The following MAP1A variants were observed in gnomAD, a reference collection of about 807,000 sequenced individuals.
The protein encoded by MAP1A is microtubule associated protein 1A, also known as microtubule-associated protein 1A.
In MAP1A, 42 loss-of-function variants were observed where a neutral mutation model predicts 185.9. That is an observed-to-expected ratio of 0.23 (90% CI 0.18 to 0.29). The LOEUF is 0.29. Ranked by LOEUF, MAP1A falls within the 10% of genes least tolerant of loss-of-function variation. The pLI is 1.00. For missense variants in MAP1A, 2,995 were observed against 3,450.4 expected, an observed-to-expected ratio of 0.87 and a Z score of 3.31; for synonymous variants, 1,229 against 1,335.9, an observed-to-expected ratio of 0.92 and a Z score of 1.74.
At chr15:43,530,041 C>T in intron 5 of MAP1A, 28 bp from the exon 6 acceptor site, 1 of 1,612,050 alleles carries the variant, frequency 6.2e-7, no homozygotes, top group Non-Finnish European at 8.5e-7. Context: ...TATGTTCTCA[C>T]ATCAGACATA....
rs1379045366 is a variant in MAP1A at position 43,528,781 on chromosome 15, A to C, written c.7308A>C (p.Gly2436=). ...ASPEVEAGPQ[G]CATEPRPHRG... is the part of the protein sequence containing the mutation. ...CTGAGGTCGAAGCTGGGCCCCAGGG[A>C]TGTGCCACTGAGCCTCGGCCCCATC... is the stretch of plus-strand genomic sequence containing the variant. Residue 2436 remains glycine (G), a synonymous_variant, in exon 4 of 6, where the codon GGA becomes GGC. Coordinates refer to ENST00000300231, the MANE Select transcript of MAP1A (RefSeq NM_002373.6). 1 of 1,613,382 alleles carries C rather than the reference A, an allele frequency of 6.2e-7. No individual in the cohort carries two copies. Among genetic ancestry groups the C allele is most frequent in the Non-Finnish European group, 8.5e-7 (1 of 1,179,962 alleles).
chr15:43,526,255 G>C lies in MAP1A; in HGVS notation c.4782G>C (p.Lys1594Asn). Residue 1594 changes from lysine to asparagine, a missense_variant, in exon 4 of 6, where the codon AAG becomes AAC. Transcript: ENST00000300231. The surrounding 1 kb of genome is among the most constrained non-coding windows in gnomAD (Gnocchi z 4.7). ...LVQEDKTRKPKMLEEKSPEKV... is the reference protein window; with the variant it reads ...LVQEDKTRKPNMLEEKSPEKV... ...AGGAGGATAAAACCAGGAAACCAAA[G>C]ATGCTAGAGGAAAAATCCCCAGAAA... The C allele has an allele frequency of 6.2e-7, 1 of 1,614,054 alleles. No homozygotes were observed.
chr15:43,518,708 A>ACCG (rs2079307909), intron 1 of MAP1A, among the ~76,000 whole-genome samples: 1 of 83,632 alleles, frequency 1.2e-5, no homozygotes, highest in South Asian at 4.1e-4. Context: ...ACCGCAGCCC[A>ACCG]CCCCCCCCCG....
Position 43,527,755 on chromosome 15 carries a change from G to T in MAP1A, c.6282G>T (p.Lys2094Asn). The T allele has an allele frequency of 6.2e-7, 1 of 1,613,516 alleles. No individual in the cohort carries two copies. Among genetic ancestry groups the T allele is most frequent in the Non-Finnish European group, 8.5e-7 (1 of 1,179,856 alleles). Residue 2094 changes from lysine (K) to asparagine (N), a missense_variant, in exon 4 of 6, where the codon AAG (lysine) becomes AAT (asparagine). Physicochemically the swap from Lys to Asn is moderately conservative, Grantham distance 94 (BLOSUM62 0). Coordinates refer to ENST00000300231, the MANE Select transcript of MAP1A (RefSeq NM_002373.6). ...CSPDRRSPSPKESGRSHWDDS... is the reference protein window; with the variant it reads ...CSPDRRSPSPNESGRSHWDDS... ...CAGATAGGAGGTCCCCATCCCCCAA[G>T]GAATCAGGCCGGAGTCACTGGGATG...
rs563869361 is a variant in MAP1A at position 43,525,402 on chromosome 15, C to T, written c.3929C>T (p.Thr1310Ile). 31 of 1,614,054 alleles carry T rather than the reference C, an allele frequency of 1.9e-5. No individual in the cohort carries two copies. Among genetic ancestry groups the T allele is most frequent in the Admixed American group, 6.7e-5 (4 of 60,012 alleles). Residue 1310 changes from threonine (T) to isoleucine (I), a missense_variant, in exon 4 of 6, where the codon ACA (threonine) becomes ATA (isoleucine). By Grantham distance (89) the Thr-to-Ile change is moderately conservative. This residue lies in a region of MAP1A where 2,728 missense variants were observed against 2,986.0 expected (regional missense o/e 0.91). Coordinates refer to ENST00000300231, the MANE Select transcript of MAP1A (RefSeq NM_002373.6). ...GGGAAGTACTTACCTGGGGCGATCA[C>T]AAGCCCTGATGAACACATTCTGACA... is the stretch of plus-strand genomic sequence containing the variant. ...GNGKYLPGAI[T>I]SPDEHILTPD...
In MAP1A at chr15:43,522,751, G is replaced by A; in HGVS notation, c.1278G>A (p.Glu426=). The A allele has an allele frequency of 3.2e-6, 5 of 1,572,454 alleles. No individual in the cohort carries two copies. The highest frequency in any genetic ancestry group is 4.3e-6 in the Non-Finnish European group (5 of 1,157,140). The change falls in exon 4 of 6, where the codon GAG becomes GAA. Residue 426 remains glutamate (E), a synonymous_variant. Coordinates refer to ENST00000300231, the MANE Select transcript of MAP1A (RefSeq NM_002373.6). This position sits in a 1 kb window ranked among gnomAD's most constrained non-coding sequence, Gnocchi z 5.9. ...AGGAGAAAAAAGAGATCAAAAAGGA[G>A]AGGAAAGAGCTCAAGAAGGATGAAG... ...KDKEKKEIKK[E]RKELKKDEGR...
At chr15:43,512,261 C>T (rs1236926166) in exon 2 of MAP1A, 2 of 1,547,742 alleles carry the variant, frequency 1.3e-6, no homozygotes, top group South Asian at 1.2e-5. Context: ...CATTACCCGG[C>T]ACCTAGCTCA....
chr15:43,516,905 A>G (rs878951993), upstream of MAP1A, among the ~76,000 whole-genome samples: 6 of 152,142 alleles, frequency 3.9e-5, no homozygotes, highest in South Asian at 2.1e-4. Context: ...TTCATATCCA[A>G]TGACTCAAGA....
In MAP1A at chr15:43,523,057, A is replaced by G. The variant is rs769101333; in HGVS notation, c.1584A>G (p.Pro528=). 2 of 1,614,174 alleles carry G rather than the reference A, an allele frequency of 1.2e-6. No homozygotes were observed. Among genetic ancestry groups the G allele is most frequent in the African/African-American group, 1.3e-5 (1 of 75,050 alleles). ...ACAGGGAGCTGGTCCTATCCTCACC[A>G]GAGGACCTCACACAGGACTTTGAGG... ...SGHRELVLSS[P]EDLTQDFEEM... The change falls in exon 4 of 6, where the codon CCA becomes CCG. Residue 528 remains proline, a synonymous_variant. Coordinates refer to ENST00000300231, the MANE Select transcript of MAP1A (RefSeq NM_002373.6).
In MAP1A at chr15:43,526,465, G is replaced by C; in HGVS notation, c.4992G>C (p.Gln1664His). The C allele has an allele frequency of 6.2e-7, 1 of 1,614,150 alleles. No homozygotes were observed. Among genetic ancestry groups the C allele is most frequent in the Non-Finnish European group, 8.5e-7 (1 of 1,180,002 alleles). ...CCAGAGAGGAGCCGGCTGGAGAACA[G>C]AAAGAGCTTGCCCCGGCATGGGAGG... ...SPTREEPAGEQKELAPAWEDT... is the reference protein window; with the variant it reads ...SPTREEPAGEHKELAPAWEDT... Residue 1664 changes from glutamine (Q) to histidine (H), a missense_variant, in exon 4 of 6, where the codon CAG (glutamine) becomes CAC (histidine). This residue lies in a region of MAP1A where 2,728 missense variants were observed against 2,986.0 expected (regional missense o/e 0.91). Transcript: ENST00000300231. This position sits in a 1 kb window ranked among gnomAD's most constrained non-coding sequence, Gnocchi z 4.7.
Position 43,520,954 on chromosome 15 carries a change from C to A in MAP1A, c.-291-18C>A. 2 of 1,547,974 alleles carry A rather than the reference C, an allele frequency of 1.3e-6. No individual in the cohort carries two copies. Among genetic ancestry groups the A allele is most frequent in the Non-Finnish European group, 1.7e-6 (2 of 1,145,378 alleles). On this transcript the variant is annotated intron_variant, in intron 2 of 5. Transcript: ENST00000300231. Reference sequence around the variant, plus strand: ...TGGATTTCCTATATCTGTGACCACTCCCCTTCTTCCATTCCAGGTTCATCA... The same window carrying A: ...TGGATTTCCTATATCTGTGACCACTACCCTTCTTCCATTCCAGGTTCATCA...
Position 43,527,999 on chromosome 15 carries a change from G to A in MAP1A, c.6526G>A (p.Ala2176Thr). Residue 2176 changes from alanine to threonine, a missense_variant, in exon 4 of 6, where the codon GCT becomes ACT. Physicochemically the swap from Ala to Thr is moderately conservative, Grantham distance 58 (BLOSUM62 0). This residue lies in a region of MAP1A where 2,728 missense variants were observed against 2,986.0 expected (regional missense o/e 0.91). Transcript: ENST00000300231. ...SAFGFSSLQP[A>T]PPQLPSPAEP... ...CTTTGGCTTCTCCTCATTGCAGCCA[G>A]CTCCCCCACAGCTGCCCTCTCCAGC... 1 of 1,613,938 alleles carries A rather than the reference G, an allele frequency of 6.2e-7. No individual in the cohort carries two copies. The highest frequency in any genetic ancestry group is 8.5e-7 in the Non-Finnish European group (1 of 1,180,016).
At position 43,518,813 on chromosome 15, in the gene MAP1A, G is replaced by A. The variant is rs114210179; in HGVS notation, c.-375+1113G>A. 4.6e-3 allele frequency among the ~76,000 whole-genome samples: 701 copies of A among 151,506 alleles called. 9 individuals carry two copies. Among genetic ancestry groups the A allele is most frequent in the African/African-American group, 0.016 (673 of 41,116 alleles). ...AAAACGAGTCAGTTCCCTTCAGTGA[G>A]AGAGCCAGGGGAGCAGAAGAAACGG... is the stretch of plus-strand genomic sequence containing the variant. On this transcript the variant is annotated intron_variant, in intron 1 of 5. Transcript: ENST00000300231.
intron 1 of MAP1A, among the ~76,000 whole-genome samples, chr15:43,519,703 G>A (rs1389022873): frequency 6.6e-6 from 1 of 152,186 alleles, no homozygotes; most frequent in South Asian, 2.1e-4. Flanking sequence ...GCTGGAGAAG[G>A]GAAATAGGGG....
rs1054192061 is a variant in MAP1A, at chr15:43,526,468, A to G, written c.4995A>G (p.Lys1665=). The G allele has an allele frequency of 6.2e-7, 1 of 1,614,154 alleles. No homozygotes were observed. The highest frequency in any genetic ancestry group is 8.5e-7 in the Non-Finnish European group (1 of 1,180,028). ...PTREEPAGEQ[K]ELAPAWEDTS... The stretch of plus-strand genomic sequence containing the variant: ...GAGAGGAGCCGGCTGGAGAACAGAA[A>G]GAGCTTGCCCCGGCATGGGAGGACA... Residue 1665 remains lysine (K), a synonymous_variant, in exon 4 of 6, where the codon AAA becomes AAG. Transcript: ENST00000300231. The surrounding 1 kb of genome is among the most constrained non-coding windows in gnomAD (Gnocchi z 4.7).
rs1307669582 is a variant in MAP1A at position 43,525,781 on chromosome 15, A to G, written c.4308A>G (p.Leu1436=). ...DKALEPKDKD[L]EEKDKALEQK... ...CCCTGGAACCAAAAGACAAAGACTT[A>G]GAAGAAAAAGACAAGGCCCTGGAAC... is the stretch of plus-strand genomic sequence containing the variant. The change falls in exon 4 of 6, where the codon TTA becomes TTG. Residue 1436 remains leucine, a synonymous_variant. Coordinates refer to ENST00000300231, the MANE Select transcript of MAP1A (RefSeq NM_002373.6). The G allele has an allele frequency of 4.3e-6, 7 of 1,614,010 alleles. No homozygotes were observed. The South Asian group carries it at 5.5e-5, about 13-fold the overall frequency.
upstream of MAP1A, among the ~76,000 whole-genome samples, chr15:43,512,979 C>G (rs1395945638): frequency 6.6e-6 from 1 of 152,170 alleles, no homozygotes; most frequent in African/African-American, 2.4e-5. Flanking sequence ...ATGTTAGGCA[C>G]TACCATTCCA....
In MAP1A at chr15:43,524,835, G is replaced by T. The variant is rs1026937384; in HGVS notation, c.3362G>T (p.Gly1121Val). Reference protein sequence around the residue: ...PILGAEALPGGLRTLPQEPGK... With the variant: ...PILGAEALPGVLRTLPQEPGK... ...CTGGGAGCAGAAGCCCTTCCCGGAG[G>T]TTTGAGGACTTTACCCCAAGAACCT... The change falls in exon 4 of 6, where the codon GGT (glycine) becomes GTT (valine). Residue 1121 changes from glycine to valine, a missense_variant. Gly to Val is a moderately radical substitution (Grantham distance 109). This residue lies in a region of MAP1A where 2,728 missense variants were observed against 2,986.0 expected (regional missense o/e 0.91). Coordinates refer to ENST00000300231, the MANE Select transcript of MAP1A (RefSeq NM_002373.6). 1 of 1,614,164 alleles carries T rather than the reference G, an allele frequency of 6.2e-7. No individual in the cohort carries two copies.
Position 43,529,297 on chromosome 15 carries a change from G to A in MAP1A, c.7824G>A (p.Arg2608=). 1 of 1,613,984 alleles carries A rather than the reference G, an allele frequency of 6.2e-7. No individual in the cohort carries two copies. Among genetic ancestry groups the A allele is most frequent in the Non-Finnish European group, 8.5e-7 (1 of 1,180,018 alleles). ...AGGTTCAGGGGCGAGTAGGGCGCAG[G>A]GCCCCAGGCAAGGCCAAGCCAGCGT... ...KEKVQGRVGR[R]APGKAKPASP... The change falls in exon 4 of 6, where the codon AGG becomes AGA. Residue 2608 remains arginine, a synonymous_variant. Coordinates refer to ENST00000300231, the MANE Select transcript of MAP1A (RefSeq NM_002373.6). This position sits in a 1 kb window ranked among gnomAD's most constrained non-coding sequence, Gnocchi z 4.3.
Sources: allele counts gnomAD v4.1 joint callset (sites outside exome capture counted in the v4.1 genomes callset), GRCh38; gene constraint gnomAD v4.1.1; regional missense constraint gnomAD v4.1.1; non-coding constraint Gnocchi (gnomAD v3.1); transcripts MANE v1.5; gene names NCBI Gene and HGNC (gene_info 2026-07-23, HGNC 2026-07-21).